BMP10: variants seen among roughly 807,000 people sequenced by gnomAD.
The protein encoded by BMP10 is bone morphogenetic protein 10.
Under a neutral mutation model 29.9 loss-of-function variants are expected in BMP10, and 9 were observed. That is an observed-to-expected ratio of 0.30 (90% confidence interval 0.18 to 0.53). The LOEUF (loss-of-function observed/expected upper bound fraction) is 0.53, where lower values mean the gene tolerates loss of function less well. Among genes scored for constraint, BMP10 ranks in the 20% least tolerant of loss-of-function variants. The pLI is 0.96. For synonymous variants in BMP10, 202 were observed against 200.2 expected (o/e 1.01, Z -0.07); for missense variants, 474 against 524.3 (o/e 0.90, Z 0.94).
rs1180777493 is a variant in BMP10, at chr2:68,863,896, G to A, written c.*1735C>T. Reference sequence around the variant, plus strand: ...CTTAAGATGAGTAGGGGTGAATGGGGGATGACGTACTGGAAACCACATTCC... The same window carrying A: ...CTTAAGATGAGTAGGGGTGAATGGGAGATGACGTACTGGAAACCACATTCC... On this transcript the variant is annotated 3_prime_UTR_variant, in exon 2 of 2. Coordinates refer to ENST00000295379, the MANE Select transcript of BMP10 (RefSeq NM_014482.3). Among the ~76,000 whole-genome samples, 6 of 152,112 alleles carry A rather than the reference G, an allele frequency of 3.9e-5. No individual in the cohort carries two copies. The highest frequency in any genetic ancestry group is 5.9e-5 in the Non-Finnish European group (4 of 68,004).
At chr2:68,868,387 A>C (rs1683007071) in intron 1 of BMP10, among the ~76,000 whole-genome samples, 1 of 152,110 alleles carries the variant, frequency 6.6e-6, no homozygotes, top group Non-Finnish European at 1.5e-5. Context: ...TCATTTGATC[A>C]CTTTATATCT....
At chr2:68,867,196 C>T (rs537122819) in intron 1 of BMP10, among the ~76,000 whole-genome samples, 123 of 152,314 alleles carry the variant, frequency 8.1e-4, no homozygotes, top group African/African-American at 2.4e-3. Context: ...TCTGTGGCTA[C>T]TTTTGCACTA....
rs564273652 is a variant in BMP10, at chr2:68,864,455, C to A, written c.*1176G>T. 6.6e-6 allele frequency among the ~76,000 whole-genome samples: 1 copy of A among 152,036 alleles called. No homozygotes were observed. Among genetic ancestry groups the A allele is most frequent in the African/African-American group, 2.4e-5 (1 of 41,464 alleles). The stretch of plus-strand genomic sequence containing the variant: ...AAATTAGAACACTAACTCCTTTCAC[C>A]CTGAGAGCAAAGGCACTTAGGTGTC... On this transcript the variant is annotated 3_prime_UTR_variant, in exon 2 of 2. Coordinates refer to ENST00000295379, the MANE Select transcript of BMP10 (RefSeq NM_014482.3).
In BMP10 at chr2:68,863,549, C is replaced by T. The variant is rs548582968; in HGVS notation, c.*2082G>A. On this transcript the variant is annotated 3_prime_UTR_variant, in exon 2 of 2. Transcript: ENST00000295379. ...CAAAGCCAGCTATACATCACACACA[C>T]ATACACACATCATGTTATATGGAGG... is the stretch of plus-strand genomic sequence containing the variant. 1.3e-5 allele frequency among the ~76,000 whole-genome samples: 2 copies of T among 152,282 alleles called. No homozygotes were observed. Among genetic ancestry groups the T allele is most frequent in the Admixed American group, 1.3e-4 (2 of 15,298 alleles).
rs1414780805 is a variant in BMP10 at position 68,866,377 on chromosome 2, T to C, written c.529A>G (p.Asn177Asp). 12 of 1,613,834 alleles carry C rather than the reference T, an allele frequency of 7.4e-6. No individual in the cohort carries two copies. The highest frequency in any genetic ancestry group is 6.7e-5 in the African/African-American group (5 of 74,868). Residue 177 changes from asparagine to aspartate, a missense_variant, in exon 2 of 2, where the codon AAT becomes GAT. Transcript: ENST00000295379. ...ACCAGCATGTTTCTTTCTCCCTCAT[T>C]ATCCCCTTTGCTCTCCAGCACTTCA... ...IFEVLESKGD[N>D]EGERNMLVLV...
At chr2:68,869,321 G>C (rs561927390) in intron 1 of BMP10, among the ~76,000 whole-genome samples, 1 of 152,156 alleles carries the variant, frequency 6.6e-6, no homozygotes, top group Non-Finnish European at 1.5e-5. Context: ...CTCCTAGGGA[G>C]CTGCACTAAG....
intron 1 of BMP10, 137 bp downstream of exon 1, chr2:68,870,888 T>G (rs1683053661): frequency 1.3e-6 from 1 of 770,604 alleles, no homozygotes. Context: ...AAATGTGCCT[T>G]GTTTTTGTGT....
At chr2:68,867,029 G>A (rs1409677730) in intron 1 of BMP10, among the ~76,000 whole-genome samples, 1 of 152,034 alleles carries the variant, frequency 6.6e-6, no homozygotes, top group Non-Finnish European at 1.5e-5. Flanking sequence ...AGTGGGTGGA[G>A]ATCCCCGCAC....
chr2:68,866,598 G>T, intron 1 of BMP10, 27 bp from the exon 2 acceptor site: 2 of 1,568,378 alleles, frequency 1.3e-6, no homozygotes, highest in South Asian at 2.3e-5. Flanking sequence ...GCAAAAATCA[G>T]GTTTGCAGTG....
chr2:68,862,747 C>T lies in BMP10; in HGVS notation c.*2884G>A, dbSNP rs917060518. ...TGACACCGGTGTGCTGCCGGGGTTC[C>T]GGTGGGAGCTGGGAGAACTCCTCTA... On this transcript the variant is annotated 3_prime_UTR_variant, in exon 2 of 2. Transcript: ENST00000295379. Among the ~76,000 whole-genome samples the T allele has an allele frequency of 6.6e-6, 1 of 152,074 alleles. No homozygotes were observed. The highest frequency in any genetic ancestry group is 2.1e-4 in the South Asian group (1 of 4,812).
intron 1 of BMP10, among the ~76,000 whole-genome samples, chr2:68,869,930 A>G (rs1027573876): frequency 6.6e-6 from 1 of 152,150 alleles, no homozygotes; most frequent in Non-Finnish European, 1.5e-5. Flanking sequence ...ACCTCCTTTG[A>G]GTCACTCAAC....
At chr2:68,868,358 C>T (rs1683006620) in intron 1 of BMP10, among the ~76,000 whole-genome samples, 1 of 152,112 alleles carries the variant, frequency 6.6e-6, no homozygotes, top group African/African-American at 2.4e-5. Context: ...CTGAAAGTTC[C>T]CTCCTCTCCC....
Position 68,871,293 on chromosome 2 carries a change from G to A in BMP10, c.66C>T (p.Ser22=), listed in dbSNP as rs1364331425. The change falls in exon 1 of 2, where the codon AGC becomes AGT. Residue 22 remains serine (S), a synonymous_variant. Coordinates refer to ENST00000295379, the MANE Select transcript of BMP10 (RefSeq NM_014482.3). ...FCLAAYLVSG[S]PIMNLEQSPL... The stretch of plus-strand genomic sequence containing the variant: ...GAGACTGCTCTAGGTTCATGATGGG[G>A]CTGCCAGAAACCAAGTAAGCTGCCA... 6.2e-7 allele frequency: 1 copy of A among 1,614,156 alleles called. No individual in the cohort carries two copies.
chr2:68,866,424 A>G lies in BMP10; in HGVS notation c.482T>C (p.Val161Ala). The change falls in exon 2 of 2, where the codon GTA becomes GCA. Residue 161 changes from valine (V) to alanine (A), a missense_variant. Transcript: ENST00000295379. ...VQRDRMIYDG[V>A]DRKITIFEVL... ...TTCAAAAATGGTAATTTTCCGGTCT[A>G]CTCCATCGTATATCATACGATCCCT... 1.2e-6 allele frequency: 2 copies of G among 1,613,380 alleles called. No individual in the cohort carries two copies. The highest frequency in any genetic ancestry group is 1.1e-5 in the South Asian group (1 of 91,004).
At chr2:68,870,972 A>C in intron 1 of BMP10, 53 bp downstream of exon 1, 1 of 1,475,372 alleles carries the variant, frequency 6.8e-7, no homozygotes, top group Non-Finnish European at 9.4e-7. Context: ...TTGTAAATTT[A>C]CTTATTGTGT....
In BMP10 at chr2:68,866,003, C is replaced by G. The variant is rs1229361253; in HGVS notation, c.903G>C (p.Gln301His). 1.2e-6 allele frequency: 2 copies of G among 1,614,088 alleles called. No individual in the cohort carries two copies. The highest frequency in any genetic ancestry group is 1.7e-6 in the Non-Finnish European group (2 of 1,179,986). Residue 301 changes from glutamine (Q) to histidine (H), a missense_variant, in exon 2 of 2, where the codon CAG (glutamine) becomes CAC (histidine). Gln to His is a conservative substitution (Grantham distance 24). Around this residue, in one of 2 missense-constraint regions of BMP10, gnomAD observed 408 missense variants for 415.3 expected, o/e 0.98. Coordinates refer to ENST00000295379, the MANE Select transcript of BMP10 (RefSeq NM_014482.3). ...AGTCATAGATGATGTTTGATCTCAT[C>G]TGCAACAAAGCCTCTTCCCCAGGTC... ...SSGPGEEALL[Q>H]MRSNIIYDST...
Position 68,861,224 on chromosome 2 carries a change from A to G in BMP10, c.*4407T>C, listed in dbSNP as rs916733791. ...CCAGAACATGACCGTGCATCAGCTG[A>G]TTCGGTGTGTCTGTGGTGTTCGCTG... On this transcript the variant is annotated 3_prime_UTR_variant, in exon 2 of 2. Transcript: ENST00000295379. Among the ~76,000 whole-genome samples the G allele has an allele frequency of 2.0e-5, 3 of 152,210 alleles. No homozygotes were observed. The highest frequency in any genetic ancestry group is 4.4e-5 in the Non-Finnish European group (3 of 68,024).
At position 68,865,927 on chromosome 2, in the gene BMP10, G is replaced by A; in HGVS notation, c.979C>T (p.Pro327Ser). 3.1e-6 allele frequency: 5 copies of A among 1,614,028 alleles called. No individual in the cohort carries two copies. The highest frequency in any genetic ancestry group is 1.7e-6 in the Non-Finnish European group (2 of 1,179,988). Residue 327 changes from proline (P) to serine (S), a missense_variant, in exon 2 of 2, where the codon CCG becomes TCG. By Grantham distance (74) the Pro-to-Ser change is moderately conservative. Transcript: ENST00000295379. This position sits in a 1 kb window ranked among gnomAD's most constrained non-coding sequence, Gnocchi z 4.7. ...ATCTCCTTGAAGTCGATGTAGAGCG[G>A]GGTCCTCTTACAGTAGTTTCCTTTG... ...NAKGNYCKRTPLYIDFKEIGW... is the reference protein window; with the variant it reads ...NAKGNYCKRTSLYIDFKEIGW...
chr2:68,862,143 A>T lies in BMP10; in HGVS notation c.*3488T>A, dbSNP rs1430627246. Among the ~76,000 whole-genome samples the T allele has an allele frequency of 6.6e-6, 1 of 152,248 alleles. No individual in the cohort carries two copies. Among genetic ancestry groups the T allele is most frequent in the Non-Finnish European group, 1.5e-5 (1 of 68,036 alleles). The stretch of plus-strand genomic sequence containing the variant: ...ACATCACTTTATGAAACTGCATGAC[A>T]ATGTATTGGTTAAATATTTCCTGGA... On this transcript the variant is annotated 3_prime_UTR_variant, in exon 2 of 2. Coordinates refer to ENST00000295379, the MANE Select transcript of BMP10 (RefSeq NM_014482.3).
Sources: gnomAD v4.1 joint callset for allele counts (sites outside exome capture counted in the v4.1 genomes callset) on GRCh38, gnomAD v4.1.1 for gene constraint, gnomAD v4.1.1 regional missense constraint, Gnocchi (gnomAD v3.1) non-coding constraint, MANE v1.5 for transcripts, NCBI Gene and HGNC (gene_info 2026-07-23, HGNC 2026-07-21) for gene names.